SCAPER: variants seen among roughly 807,000 people sequenced by gnomAD.
The protein encoded by SCAPER is S-phase cyclin A associated protein in the ER, also known as S phase cyclin A-associated protein in the endoplasmic reticulum.
Under a neutral mutation model 182.2 loss-of-function variants are expected in SCAPER, and 98 were observed. That is an observed-to-expected ratio of 0.54 (90% CI 0.46 to 0.64). SCAPER has a LOEUF of 0.64. Among genes scored for constraint, SCAPER ranks in the 30% least tolerant of loss-of-function variants. SCAPER has a pLI of 0.00. For missense variants in SCAPER, 1,432 were observed against 1,690.0 expected (o/e 0.85, Z 2.68); for synonymous variants, 605 against 564.6 (o/e 1.07, Z -1.01).
intron 22 of SCAPER, among the ~76,000 whole-genome samples, chr15:76,614,727 A>G (rs2051300326): frequency 1.3e-5 from 2 of 152,186 alleles, no homozygotes; most frequent in South Asian, 2.1e-4. Flanking sequence ...AAAAATCTAA[A>G]CCCAAAGCTT....
intron 24 of SCAPER, among the ~76,000 whole-genome samples, chr15:76,479,112 A>C (rs1489736778): frequency 6.6e-6 from 1 of 152,170 alleles, no homozygotes; most frequent in Non-Finnish European, 1.5e-5. Flanking sequence ...ACATAATCTT[A>C]GGCTCACAAA....
intron 17 of SCAPER, among the ~76,000 whole-genome samples, chr15:76,724,362 T>C (rs1454368388): frequency 6.6e-6 from 1 of 152,212 alleles, no homozygotes; most frequent in Non-Finnish European, 1.5e-5. Flanking sequence ...CTTAACATTT[T>C]TTCCTTCATT....
At chr15:76,398,770 C>CT (rs2044254750) in intron 27 of SCAPER, among the ~76,000 whole-genome samples, 1 of 152,182 alleles carries the variant, frequency 6.6e-6, no homozygotes, top group Admixed American at 6.5e-5. Context: ...ATTCACAAGT[C>CT]TTTTCCAACC....
chr15:76,514,834 C>A (rs2042297724), intron 23 of SCAPER, among the ~76,000 whole-genome samples: 1 of 152,210 alleles, frequency 6.6e-6, no homozygotes, highest in Non-Finnish European at 1.5e-5. Context: ...ATCATTTCCA[C>A]TTTTCTACTA....
At chr15:76,734,573 T>C (rs953737098) in intron 15 of SCAPER, among the ~76,000 whole-genome samples, 5 of 152,302 alleles carry the variant, frequency 3.3e-5, no homozygotes, top group Non-Finnish European at 5.9e-5. Context: ...CAAACTGTAC[T>C]GAACGTACTC....
At chr15:76,882,349 G>C (rs2073599383) in intron 2 of SCAPER, among the ~76,000 whole-genome samples, 2 of 151,810 alleles carry the variant, frequency 1.3e-5, no homozygotes, top group African/African-American at 4.8e-5. Context: ...CTATGATTGT[G>C]CCGCTGCACT....
intron 20 of SCAPER, among the ~76,000 whole-genome samples, chr15:76,687,671 ATGAG>A (rs1046109555): frequency 3.9e-5 from 6 of 152,010 alleles, no homozygotes; most frequent in African/African-American, 1.4e-4. Flanking sequence ...GCTCCCACTT[ATGAG>A]TGAGAACATG....
intron 8 of SCAPER, among the ~76,000 whole-genome samples, chr15:76,780,739 A>G (rs1463028318): frequency 6.6e-6 from 1 of 152,212 alleles, no homozygotes; most frequent in African/African-American, 2.4e-5. Context: ...TACCCAGGCA[A>G]ACAGGTTCTG....
At chr15:76,733,470 T>G in intron 15 of SCAPER, 86 bp from the exon 16 acceptor site, 1 of 1,472,880 alleles carries the variant, frequency 6.8e-7, no homozygotes, top group Non-Finnish European at 9.0e-7. Flanking sequence ...ACAGTCAGGC[T>G]GGGCGTGGTG....
In SCAPER at chr15:76,786,655, C is replaced by CA. The variant is rs768375766; in HGVS notation, c.772+8624dup. 2.2e-3 allele frequency among the ~76,000 whole-genome samples: 331 copies of CA among 151,852 alleles called. 1 individual carries two copies. Among genetic ancestry groups the CA allele is most frequent in the African/African-American group, 7.6e-3 (313 of 41,420 alleles). On this transcript the variant is annotated intron_variant, in intron 8 of 31. Transcript: ENST00000563290. Reference sequence around the variant, plus strand: ...GTACTGAACATTCTAGACAGTGCCACAAAAAACAAAACAAAACAAAATCAT... The same window carrying CA: ...GTACTGAACATTCTAGACAGTGCCACAAAAAAACAAAACAAAACAAAATCAT...
chr15:76,813,383 C>G (rs745555995), intron 5 of SCAPER, among the ~76,000 whole-genome samples: 11 of 151,568 alleles, frequency 7.3e-5, no homozygotes, highest in Non-Finnish European at 1.2e-4. Flanking sequence ...CATCTAAGAT[C>G]TAGTACCAGG....
In SCAPER at chr15:76,351,236, C is replaced by A; in HGVS notation, c.4099+1G>T. 1 of 1,608,798 alleles carries A rather than the reference C, an allele frequency of 6.2e-7. No homozygotes were observed. Among genetic ancestry groups the A allele is most frequent in the Non-Finnish European group, 8.5e-7 (1 of 1,177,440 alleles). On this transcript the variant is annotated splice_donor_variant, in intron 31 of 31. Transcript: ENST00000563290. LOFTEE classifies it high-confidence loss of function. ...GAAATTTAATTTCAATAGAGACATA[C>A]CTTTGGGTTGGTAAGGCTGGTTTTC... is the stretch of plus-strand genomic sequence containing the variant.
At chr15:76,893,144 G>A (rs546332276) in intron 1 of SCAPER, among the ~76,000 whole-genome samples, 1 of 152,278 alleles carries the variant, frequency 6.6e-6, no homozygotes, top group South Asian at 2.1e-4. Flanking sequence ...CTTGGACACA[G>A]GGCAGGGAAC....
At chr15:76,681,008 CAA>C (rs1463045460) in intron 20 of SCAPER, among the ~76,000 whole-genome samples, 1 of 152,068 alleles carries the variant, frequency 6.6e-6, no homozygotes, top group Non-Finnish European at 1.5e-5. Flanking sequence ...ACTGGTGAGA[CAA>C]GAGAAAAATC....
intron 21 of SCAPER, among the ~76,000 whole-genome samples, chr15:76,632,187 C>T (rs958025960): frequency 1.3e-5 from 2 of 151,852 alleles, no homozygotes; most frequent in African/African-American, 2.4e-5. Context: ...GCTCCGGTAA[C>T]GGTTTTTTGT....
chr15:76,616,384 G>A lies in SCAPER; in HGVS notation c.2711+5380C>T, dbSNP rs74644793. Among the ~76,000 whole-genome samples, 1,390 of 152,134 alleles carry A rather than the reference G, an allele frequency of 9.1e-3. 21 individuals are homozygous for A. The highest frequency in any genetic ancestry group is 0.032 in the African/African-American group (1,340 of 41,506). On this transcript the variant is annotated intron_variant, in intron 22 of 31. Coordinates refer to ENST00000563290, the MANE Select transcript of SCAPER (RefSeq NM_020843.4). ...AGCCTATCACAAAAAGACAAATACT[G>A]TATATTTACACTTAACATGAGTTAC...
chr15:76,494,357 T>A (rs454804), intron 24 of SCAPER, among the ~76,000 whole-genome samples: 147,775 of 152,150 alleles, frequency 0.97, 71,892 homozygotes, highest in South Asian at 1. Context: ...ACCTTTCTCA[T>A]GTTCTGTTAG....
intron 3 of SCAPER, 41 bp downstream of exon 3, chr15:76,862,375 T>C (rs2071947601): frequency 7.5e-7 from 1 of 1,331,274 alleles, no homozygotes; most frequent in African/African-American, 1.4e-5. Flanking sequence ...TACACCCTCC[T>C]TATTTACAAC....
intron 27 of SCAPER, among the ~76,000 whole-genome samples, chr15:76,402,453 C>T (rs1261035962): frequency 6.6e-6 from 1 of 152,082 alleles, no homozygotes; most frequent in African/African-American, 2.4e-5. Flanking sequence ...CATATCATAC[C>T]GTTTTTCTCA....
Sources: allele counts gnomAD v4.1 joint callset (sites outside exome capture counted in the v4.1 genomes callset), GRCh38; gene constraint gnomAD v4.1.1; transcripts MANE v1.5; gene names NCBI Gene and HGNC (gene_info 2026-07-23, HGNC 2026-07-21).